The following TXNRD2 variants were observed in gnomAD, a reference collection of about 807,000 sequenced individuals.
The protein encoded by TXNRD2 is thioredoxin reductase 2.
In TXNRD2, 67 loss-of-function variants were observed where a neutral mutation model predicts 70.8. That is an observed-to-expected ratio of 0.95 (90% CI 0.78 to 1.16). The LOEUF is 1.16. Ranked by LOEUF, TXNRD2 falls within the 50% of genes most tolerant of loss-of-function variation. The pLI, the probability that TXNRD2 is intolerant of heterozygous loss-of-function variation, is 0.00. For missense variants in TXNRD2, 644 were observed against 719.9 expected, an observed-to-expected ratio of 0.89 and a Z score of 1.21; for synonymous variants, 301 against 295.8, an observed-to-expected ratio of 1.02 and a Z score of -0.18.
intron 11 of TXNRD2, among the ~76,000 whole-genome samples, chr22:19,889,258 C>T (rs543950777): frequency 3.9e-5 from 6 of 152,330 alleles, no homozygotes; most frequent in Admixed American, 2.6e-4. Context: ...GCCCCCAGCT[C>T]AGGCCCAGAG....
At chr22:19,921,962 C>T (rs1286442914) in intron 2 of TXNRD2, among the ~76,000 whole-genome samples, 1 of 152,132 alleles carries the variant, frequency 6.6e-6, no homozygotes, top group Admixed American at 6.6e-5. Flanking sequence ...TGCTCCATAC[C>T]CACCTAACAA....
At chr22:19,930,055 T>C (rs1941301072) in intron 2 of TXNRD2, among the ~76,000 whole-genome samples, 1 of 152,190 alleles carries the variant, frequency 6.6e-6, no homozygotes, top group Non-Finnish European at 1.5e-5. Flanking sequence ...GCCTCGTGGC[T>C]GCCTGCGCCA....
At chr22:19,930,854 TG>T (rs1941331274) in intron 2 of TXNRD2, among the ~76,000 whole-genome samples, 175 bp downstream of exon 2, 1 of 151,994 alleles carries the variant, frequency 6.6e-6, no homozygotes, top group African/African-American at 2.4e-5. Context: ...CGGCGGCCGC[TG>T]GGTACAGCAG....
At chr22:19,921,287 C>T (rs557881290) in intron 2 of TXNRD2, among the ~76,000 whole-genome samples, 3 of 150,802 alleles carry the variant, frequency 2.0e-5, no homozygotes, top group Admixed American at 6.6e-5. Context: ...TGGTGGCATG[C>T]GCCTGTGGTC....
chr22:19,880,648 A>G lies in TXNRD2; in HGVS notation c.1156T>C (p.Ser386Pro), dbSNP rs960610186. Residue 386 changes from serine to proline, a missense_variant, in exon 13 of 18, where the codon TCC (serine) becomes CCC (proline). This residue lies in a region of TXNRD2 where 566 missense variants were observed against 645.0 expected (regional missense o/e 0.88). Coordinates refer to ENST00000400521, the MANE Select transcript of TXNRD2 (RefSeq NM_006440.5). Reference sequence around the variant, plus strand: ...TTGTCGTAGTCCATCAGATCTGAGGACCCGCCGAAGAGCCGCTGCACCAGG... The same window carrying G: ...TTGTCGTAGTCCATCAGATCTGAGGGCCCGCCGAAGAGCCGCTGCACCAGG... ...RLLVQRLFGG[S>P]SDLMDYDNVP... is the part of the protein sequence containing the mutation. 1.2e-6 allele frequency: 2 copies of G among 1,612,832 alleles called. No individual in the cohort carries two copies. Among genetic ancestry groups the G allele is most frequent in the Admixed American group, 1.7e-5 (1 of 59,984 alleles).
chr22:19,878,057 A>C, intron 16 of TXNRD2, 33 bp downstream of exon 16: 1 of 1,571,252 alleles, frequency 6.4e-7, no homozygotes, highest in Non-Finnish European at 8.7e-7. Flanking sequence ...CCAGCTGCAC[A>C]TCGCATCGCA....
Position 19,903,548 on chromosome 22 carries a change from C to A in TXNRD2, c.663-4480G>T, listed in dbSNP as rs181039388. On this transcript the variant is annotated intron_variant, in intron 8 of 17. Coordinates refer to ENST00000400521, the MANE Select transcript of TXNRD2 (RefSeq NM_006440.5). ...CACACTGGCGGGGCCCAAGTCCCTG[C>A]CGGGTGCGGAGGCTTCCCGGTGGAG... Among the ~76,000 whole-genome samples the A allele has an allele frequency of 4.5e-3, 683 of 152,338 alleles. 5 individuals are homozygous for A. The highest frequency in any genetic ancestry group is 6.9e-3 in the Non-Finnish European group (468 of 68,020).
chr22:19,880,318 C>A, intron 13 of TXNRD2, 47 bp from the exon 14 acceptor site: 4 of 1,576,190 alleles, frequency 2.5e-6, no homozygotes, highest in Non-Finnish European at 3.5e-6. Context: ...CCCCGAAAAC[C>A]GAAGTTCCCC....
At chr22:19,892,828 T>C (rs1939326881) in intron 11 of TXNRD2, among the ~76,000 whole-genome samples, 1 of 152,170 alleles carries the variant, frequency 6.6e-6, no homozygotes, top group Non-Finnish European at 1.5e-5. Flanking sequence ...AAAAATAAAG[T>C]GGAGTTTAGG....
At chr22:19,892,885 T>A (rs1455749107) in intron 11 of TXNRD2, among the ~76,000 whole-genome samples, 5 of 152,240 alleles carry the variant, frequency 3.3e-5, no homozygotes, top group Non-Finnish European at 4.4e-5. Flanking sequence ...TACCTAATCC[T>A]TCGTAGTGTT....
intron 7 of TXNRD2, among the ~76,000 whole-genome samples, chr22:19,913,115 C>T (rs1940487354): frequency 1.3e-5 from 2 of 152,172 alleles, no homozygotes; most frequent in African/African-American, 2.4e-5. Context: ...TGCAGCTGCC[C>T]CCCAACCCCT....
intron 17 of TXNRD2, 112 bp downstream of exon 17, chr22:19,876,928 G>A: frequency 5.7e-6 from 4 of 697,080 alleles, no homozygotes; most frequent in Non-Finnish European, 8.7e-6. Context: ...ACCCATTCTG[G>A]GTGGCGTGGC....
chr22:19,902,444 A>G (rs1324453255), intron 8 of TXNRD2, among the ~76,000 whole-genome samples: 1 of 152,210 alleles, frequency 6.6e-6, no homozygotes, highest in Non-Finnish European at 1.5e-5. Context: ...TGCTCTCCAG[A>G]GGGAATACTC....
intron 10 of TXNRD2, among the ~76,000 whole-genome samples, chr22:19,896,566 C>T (rs1163019260): frequency 6.6e-6 from 1 of 152,166 alleles, no homozygotes. Context: ...GTAGGCACAG[C>T]AGGCTCAGGT....
At chr22:19,935,697 C>G (rs1436081918) in intron 1 of TXNRD2, among the ~76,000 whole-genome samples, 5 of 152,224 alleles carry the variant, frequency 3.3e-5, no homozygotes, top group Non-Finnish European at 1.5e-5. Context: ...TACTCTTTCT[C>G]TTCATTTCTC....
chr22:19,919,925 G>A (rs1940830857), intron 2 of TXNRD2, among the ~76,000 whole-genome samples: 1 of 152,114 alleles, frequency 6.6e-6, no homozygotes, highest in South Asian at 2.1e-4. Context: ...CACAGTGCTG[G>A]CATCAGCCCC....
intron 12 of TXNRD2, 22 bp from the exon 13 acceptor site, chr22:19,880,739 C>T (rs112233186): frequency 1.3e-6 from 2 of 1,572,866 alleles, no homozygotes; most frequent in East Asian, 2.2e-5. Context: ...CACAGGGGGG[C>T]CACGTCAGCA....
intron 8 of TXNRD2, among the ~76,000 whole-genome samples, chr22:19,900,796 CAG>C (rs1939742409): frequency 6.6e-6 from 1 of 151,988 alleles, no homozygotes; most frequent in Admixed American, 6.5e-5. Context: ...CAAATATAAA[CAG>C]AACTCTGCTG....
At chr22:19,911,678 C>G (rs1459083840) in intron 7 of TXNRD2, among the ~76,000 whole-genome samples, 1 of 152,162 alleles carries the variant, frequency 6.6e-6, no homozygotes, top group African/African-American at 2.4e-5. Context: ...TCGCAGGGTA[C>G]CTTTCCCCTC....
Sources: allele counts gnomAD v4.1 joint callset (sites outside exome capture counted in the v4.1 genomes callset), GRCh38; gene constraint gnomAD v4.1.1; regional missense constraint gnomAD v4.1.1; transcripts MANE v1.5; gene names NCBI Gene and HGNC (gene_info 2026-07-23, HGNC 2026-07-21).